The following CFLAR variants were observed in gnomAD, a reference collection of about 807,000 sequenced individuals.
CFLAR encodes CASP8 and FADD like apoptosis regulator, also known as CASP8 and FADD-like apoptosis regulator.
A neutral mutation model predicts 51.1 loss-of-function variants in CFLAR; 14 were observed. That is an observed-to-expected ratio of 0.27 (90% CI 0.18 to 0.43). The LOEUF (loss-of-function observed/expected upper bound fraction) is 0.43. Ranked by LOEUF, CFLAR falls within the 20% of genes least tolerant of loss-of-function variation. The pLI, the probability that CFLAR is intolerant of heterozygous loss-of-function variation, is 1.00. For missense variants in CFLAR, 390 were observed against 566.5 expected (o/e 0.69, Z 3.16); for synonymous variants, 210 against 211.6 (o/e 0.99, Z 0.06).
At position 201,171,210 on chromosome 2, in the gene CFLAR, C is replaced by T. The variant is rs907510305; in HGVS notation, c.*7237C>T. The T allele has an allele frequency of 2.6e-5, 4 of 152,090 alleles. No individual in the cohort carries two copies. Among genetic ancestry groups the T allele is most frequent in the African/African-American group, 7.2e-5 (3 of 41,418 alleles). 9.4% of individuals were successfully genotyped at this position (152,090 alleles called of 1,614,324 possible). ...CAAATTGGGTTCAGTGTATACTGCT[C>T]AGGTGATGGGTGCACCAGAATCTCA... On this transcript the variant is annotated 3_prime_UTR_variant, in exon 10 of 10. Coordinates refer to ENST00000309955, the MANE Select transcript of CFLAR (RefSeq NM_003879.7).
chr2:201,117,704 T>A (rs2047744602), intron 1 of CFLAR, among the ~76,000 whole-genome samples: 1 of 151,656 alleles, frequency 6.6e-6, no homozygotes, highest in Non-Finnish European at 1.5e-5. Flanking sequence ...CTAAATAACC[T>A]TACAAAAGTT....
intron 4 of CFLAR, chr2:201,136,376 C>A: frequency 1.3e-6 from 2 of 1,598,472 alleles, no homozygotes; most frequent in Non-Finnish European, 1.7e-6. Flanking sequence ...AATCTGGGAT[C>A]TGCACAGGCT....
rs766016401 is a variant in CFLAR, at chr2:201,160,728, G to A, written c.1090G>A (p.Glu364Lys). 1.8e-5 allele frequency: 29 copies of A among 1,614,038 alleles called. No homozygotes were observed. The highest frequency in any genetic ancestry group is 2.4e-5 in the Non-Finnish European group (28 of 1,180,050). ...MFFIQNYVVS[E>K]GQLEDSSLLE... Reference sequence around the variant, plus strand: ...TTTTATTCAGAACTATGTGGTGTCAGAGGGCCAGCTGGAGGACAGCAGCCT... The same window carrying A: ...TTTTATTCAGAACTATGTGGTGTCAAAGGGCCAGCTGGAGGACAGCAGCCT... The change falls in exon 9 of 10, where the codon GAG (glutamate) becomes AAG (lysine). Residue 364 changes from glutamate (E) to lysine (K), a missense_variant. Coordinates refer to ENST00000309955, the MANE Select transcript of CFLAR (RefSeq NM_003879.7).
Position 201,176,552 on chromosome 2 carries a change from GAAA to G in CFLAR, c.*12582_*12584del, listed in dbSNP as rs1944175334. ...GTGGCTAAGTCATATGCTTCCTTCT[GAAA>G]AATTATGTCAAATACTAGCAGTTTC... On this transcript the variant is annotated 3_prime_UTR_variant, in exon 10 of 10. Coordinates refer to ENST00000309955, the MANE Select transcript of CFLAR (RefSeq NM_003879.7). The G allele has an allele frequency of 6.6e-6, 1 of 152,084 alleles. No homozygotes were observed. Among genetic ancestry groups the G allele is most frequent in the Non-Finnish European group, 1.5e-5 (1 of 68,004 alleles). 9.4% of individuals were successfully genotyped at this position (152,084 alleles called of 1,614,324 possible).
At chr2:201,144,319 T>A (rs759034037) in intron 5 of CFLAR, 7 of 152,176 alleles carry the variant, frequency 4.6e-5, no homozygotes, top group Non-Finnish European at 1.0e-4. Flanking sequence ...AGAGAAAGGG[T>A]CGGTTTAATC....
At chr2:201,149,240 A>G (rs567588790) in intron 7 of CFLAR, 188 bp downstream of exon 7, 2 of 501,778 alleles carry the variant, frequency 4.0e-6, no homozygotes, top group Admixed American at 3.3e-5. Context: ...GGATTGCATT[A>G]GTGAACTTTG....
chr2:201,136,696 G>A (rs956673072), intron 4 of CFLAR: 1 of 757,896 alleles, frequency 1.3e-6, no homozygotes, highest in Non-Finnish European at 2.0e-6. Context: ...AGCCTAAAGG[G>A]CATGGCTGAG....
At position 201,166,844 on chromosome 2, in the gene CFLAR, T is replaced by TGGCAGGCACGC. The variant is rs1221937009; in HGVS notation, c.*2879_*2889dup. ...CAGTCAGGCGTGGCGGCGCCCGCAA[T>TGGCAGGCACGC]GGCAGGCACGCGGCAGGCCGAGGCG... On this transcript the variant is annotated 3_prime_UTR_variant, in exon 10 of 10. Transcript: ENST00000309955. 7 of 156,668 alleles carry TGGCAGGCACGC rather than the reference T, an allele frequency of 4.5e-5. No homozygotes were observed. Among genetic ancestry groups the TGGCAGGCACGC allele is most frequent in the African/African-American group, 1.7e-4 (7 of 41,490 alleles). The allele number at this position is 156,668 out of a possible 1,614,324, so 9.7% of individuals were successfully genotyped here.
At position 201,165,733 on chromosome 2, in the gene CFLAR, C is replaced by T. The variant is rs1943476424; in HGVS notation, c.*1760C>T. 1 of 153,968 alleles carries T rather than the reference C, an allele frequency of 6.5e-6. No individual in the cohort carries two copies. Among genetic ancestry groups the T allele is most frequent in the Non-Finnish European group, 1.4e-5 (1 of 69,124 alleles). The allele number at this position is 153,968 out of a possible 1,614,324, so 9.5% of individuals were successfully genotyped here. The stretch of plus-strand genomic sequence containing the variant: ...CCTAGGCAGAGGACCCTGCGGCCTT[C>T]CGCAGTGTTTGTGTCCCTGGGTACT... On this transcript the variant is annotated 3_prime_UTR_variant, in exon 10 of 10. Transcript: ENST00000309955.
chr2:201,141,659 T>G, intron 5 of CFLAR: 1 of 1,248,862 alleles, frequency 8.0e-7, no homozygotes. Flanking sequence ...ATTTTGTTAT[T>G]GAGTGATGAA....
intron 5 of CFLAR, chr2:201,141,717 C>T: frequency 1.0e-6 from 1 of 956,184 alleles, no homozygotes; most frequent in East Asian, 6.2e-5. Flanking sequence ...ATCATATAGT[C>T]ACTTATGGTT....
intron 2 of CFLAR, among the ~76,000 whole-genome samples, chr2:201,132,233 T>C (rs2049409824): frequency 6.6e-6 from 1 of 151,964 alleles, no homozygotes. Context: ...GTGGGCTTCA[T>C]TGTGTATTGG....
chr2:201,123,830 C>T (rs1457278289), intron 1 of CFLAR, among the ~76,000 whole-genome samples: 1 of 152,214 alleles, frequency 6.6e-6, no homozygotes, highest in African/African-American at 2.4e-5. Context: ...CCACATTCTA[C>T]TTTACCCAGA....
intron 1 of CFLAR, among the ~76,000 whole-genome samples, chr2:201,117,641 G>A (rs960392839): frequency 3.3e-5 from 5 of 151,752 alleles, no homozygotes; most frequent in African/African-American, 1.2e-4. Context: ...TTTAGAGAGA[G>A]ATTTCCGATA....
chr2:201,147,923 C>G (rs1416782219), intron 6 of CFLAR: 1 of 152,050 alleles, frequency 6.6e-6, no homozygotes, highest in Non-Finnish European at 1.5e-5. Context: ...TTTGGACTTC[C>G]AAATAGATTT....
At chr2:201,153,349 G>C (rs948640476) in intron 8 of CFLAR, 1 of 152,244 alleles carries the variant, frequency 6.6e-6, no homozygotes, top group Non-Finnish European at 1.5e-5. Flanking sequence ...TAATTATTAA[G>C]AAGTGGAAAG....
intron 9 of CFLAR, 97 bp downstream of exon 9, chr2:201,161,039 T>TC: frequency 1.2e-6 from 1 of 840,040 alleles, no homozygotes; most frequent in Non-Finnish European, 1.9e-6. Flanking sequence ...GCCCATCTCT[T>TC]CCGGGAGGAA....
rs1426672276 is a variant in CFLAR, at chr2:201,138,091, G to A, written c.523+1984G>A. On this transcript the variant is annotated intron_variant, in intron 4 of 9. Coordinates refer to ENST00000309955, the MANE Select transcript of CFLAR (RefSeq NM_003879.7). The surrounding 1 kb of genome is among the most constrained non-coding windows in gnomAD (Gnocchi z 4.0). ...ATGTAGATGGAGCCGCGCAGTCCAT[G>A]CCCCTGCCCAGCCCATCCACACCAG... 1.3e-6 allele frequency: 1 copy of A among 744,716 alleles called. No individual in the cohort carries two copies. 46.1% of individuals were successfully genotyped at this position (744,716 alleles called of 1,614,324 possible). A position where few individuals can be genotyped will look rare whatever the true frequency, so the allele number is the denominator to read the frequency against.
chr2:201,129,535 C>A, intron 1 of CFLAR, 194 bp from the exon 2 acceptor site: 1 of 401,946 alleles, frequency 2.5e-6, no homozygotes, highest in Non-Finnish European at 4.4e-6. Context: ...GTTTTCTTCT[C>A]TGTCTTTTTG....
Sources: allele counts gnomAD v4.1 joint callset (sites outside exome capture counted in the v4.1 genomes callset), GRCh38; gene constraint gnomAD v4.1.1; non-coding constraint Gnocchi (gnomAD v3.1); transcripts MANE v1.5; gene names NCBI Gene and HGNC (gene_info 2026-07-23, HGNC 2026-07-21).